CENPW: variants seen among roughly 807,000 people sequenced by gnomAD.
CENPW encodes centromere protein W, also known as cancer-up-regulated gene 2 protein.
Under a neutral mutation model 11.1 loss-of-function variants are expected in CENPW, and 3 were observed. That is an observed-to-expected ratio of 0.27 (90% confidence interval 0.12 to 0.70). CENPW has a LOEUF of 0.70. Among genes scored for constraint, CENPW ranks in the 30% least tolerant of loss-of-function variants. The pLI, the probability that CENPW is intolerant of heterozygous loss-of-function variation, is 0.77. For missense variants in CENPW, 100 were observed against 105.6 expected, an observed-to-expected ratio of 0.95 and a Z score of 0.23; for synonymous variants, 38 against 42.0, an observed-to-expected ratio of 0.91 and a Z score of 0.37.
At chr6:126,415,292 A>G in the CENPW span, among the ~76,000 whole-genome samples, 1 of 151,914 alleles carries the variant, frequency 6.6e-6, no homozygotes, top group South Asian at 2.1e-4. Flanking sequence ...GTTTTTATTC[A>G]CTCACTAGAT....
chr6:126,467,631 T>C, the CENPW span, among the ~76,000 whole-genome samples: 17 of 152,222 alleles, frequency 1.1e-4, no homozygotes, highest in African/African-American at 3.6e-4. Context: ...TATAAATGAT[T>C]GAATAAATAA....
At chr6:126,454,915 A>G in the CENPW span, among the ~76,000 whole-genome samples, 1 of 151,494 alleles carries the variant, frequency 6.6e-6, no homozygotes, top group African/African-American at 2.4e-5. Flanking sequence ...AGAAATAAAA[A>G]AAACCCCTCA....
the CENPW span, among the ~76,000 whole-genome samples, chr6:126,448,917 A>G: frequency 6.6e-6 from 1 of 151,166 alleles, no homozygotes; most frequent in Non-Finnish European, 1.5e-5. Flanking sequence ...TTCAAACTAA[A>G]TATTCAAACT....
chr6:126,471,834 T>A, the CENPW span, among the ~76,000 whole-genome samples: 3 of 152,206 alleles, frequency 2.0e-5, no homozygotes, highest in African/African-American at 7.2e-5. Context: ...TGTTGCTTGA[T>A]CTGGGAGTGC....
At chr6:126,417,967 A>C in the CENPW span, among the ~76,000 whole-genome samples, 685 of 152,346 alleles carry the variant, frequency 4.5e-3, 5 homozygotes, top group African/African-American at 0.015. Flanking sequence ...TCTCTAAAGA[A>C]AATATAAAAA....
chr6:126,470,550 A>G, the CENPW span, among the ~76,000 whole-genome samples: 1 of 152,224 alleles, frequency 6.6e-6, no homozygotes, highest in Non-Finnish European at 1.5e-5. Flanking sequence ...CCATTGGGGC[A>G]CTGCCTAGTG....
chr6:126,408,364 G>A, the CENPW span, among the ~76,000 whole-genome samples: 4 of 152,138 alleles, frequency 2.6e-5, no homozygotes, highest in Admixed American at 2.0e-4. Flanking sequence ...TTACATGCTG[G>A]CAGACAAGAG....
chr6:126,454,598 T>G, the CENPW span, among the ~76,000 whole-genome samples: 3 of 151,060 alleles, frequency 2.0e-5, no homozygotes, highest in Non-Finnish European at 3.0e-5. Context: ...TTGTGGCACT[T>G]TATGCCTATA....
the CENPW span, among the ~76,000 whole-genome samples, chr6:126,440,021 C>A: frequency 6.6e-6 from 1 of 151,610 alleles, no homozygotes; most frequent in African/African-American, 2.4e-5. Flanking sequence ...TAAGTTAGAT[C>A]ATTTTTGGTA....
At chr6:126,393,498 C>A in the CENPW span, among the ~76,000 whole-genome samples, 3 of 151,358 alleles carry the variant, frequency 2.0e-5, no homozygotes, top group Non-Finnish European at 3.0e-5. Flanking sequence ...TGATTTATTT[C>A]AATAAATTTT....
At chr6:126,415,815 C>T in the CENPW span, among the ~76,000 whole-genome samples, 1 of 152,212 alleles carries the variant, frequency 6.6e-6, no homozygotes, top group Non-Finnish European at 1.5e-5. Flanking sequence ...CCATGTAGAA[C>T]TGTCGGTCCA....
At chr6:126,383,556 C>T in the CENPW span, among the ~76,000 whole-genome samples, 3 of 151,668 alleles carry the variant, frequency 2.0e-5, no homozygotes, top group African/African-American at 7.3e-5. Flanking sequence ...CATCCATAGG[C>T]TCAAAATAAA....
chr6:126,424,440 A>G, the CENPW span, among the ~76,000 whole-genome samples: 1 of 152,158 alleles, frequency 6.6e-6, no homozygotes, highest in Non-Finnish European at 1.5e-5. Flanking sequence ...TTTTCTCACA[A>G]TTCAGAAACA....
At chr6:126,416,970 A>T in the CENPW span, among the ~76,000 whole-genome samples, 1 of 152,228 alleles carries the variant, frequency 6.6e-6, no homozygotes, top group Middle Eastern at 3.4e-3. Flanking sequence ...AAAATTGTAG[A>T]TCCAATGACA....
At chr6:126,401,121 T>G in the CENPW span, among the ~76,000 whole-genome samples, 2 of 152,154 alleles carry the variant, frequency 1.3e-5, no homozygotes, top group African/African-American at 4.8e-5. Context: ...ATAGCCAGAA[T>G]CTTGTGTAAG....
the CENPW span, among the ~76,000 whole-genome samples, chr6:126,426,314 C>A: frequency 3.9e-5 from 6 of 152,104 alleles, no homozygotes; most frequent in Non-Finnish European, 7.4e-5. Flanking sequence ...GCTTGTGGGT[C>A]TTGAGTGAAA....
At chr6:126,468,310 A>C in the CENPW span, among the ~76,000 whole-genome samples, 1 of 150,592 alleles carries the variant, frequency 6.6e-6, no homozygotes, top group South Asian at 2.1e-4. Flanking sequence ...ATCCCAGTTA[A>C]CTGGGAAGCT....
At chr6:126,348,369 G>T (rs1366180162) in intron 2 of CENPW, 97 bp from the exon 3 acceptor site, 8 of 674,434 alleles carry the variant, frequency 1.2e-5, no homozygotes, top group African/African-American at 1.9e-5. Context: ...ATTCAGTCTT[G>T]CATATTATGC....
the CENPW span, among the ~76,000 whole-genome samples, chr6:126,413,344 A>G: frequency 2.0e-5 from 3 of 152,148 alleles, no homozygotes; most frequent in African/African-American, 7.2e-5. Flanking sequence ...GAAGAAAAGT[A>G]TCAATTCATA....
Sources: gnomAD v4.1 joint callset for allele counts (sites outside exome capture counted in the v4.1 genomes callset) on GRCh38, gnomAD v4.1.1 for gene constraint, MANE v1.5 for transcripts, NCBI Gene and HGNC (gene_info 2026-07-23, HGNC 2026-07-21) for gene names.